The following ASIC2 variants were observed in gnomAD, a reference collection of about 807,000 sequenced individuals.
The protein encoded by ASIC2 is acid sensing ion channel subunit 2.
ASIC2 carries 25 observed loss-of-function variants against 57.3 expected under a neutral mutation model. The ratio of observed to expected loss-of-function variants is 0.44; its 90% CI spans 0.32 to 0.61. The LOEUF (loss-of-function observed/expected upper bound fraction) is 0.61. Among genes scored for constraint, ASIC2 ranks in the 20% least tolerant of loss-of-function variants. The pLI, the probability that ASIC2 is intolerant of heterozygous loss-of-function variation, is 0.06. For missense variants in ASIC2, 641 were observed against 738.1 expected (o/e 0.87, Z 1.52); for synonymous variants, 319 against 307.5 (o/e 1.04, Z -0.39).
In ASIC2 at chr17:33,236,086, C is replaced by T. The variant is rs140778894; in HGVS notation, c.708+55322G>A. Among the ~76,000 whole-genome samples, 1,390 of 152,194 alleles carry T rather than the reference C, an allele frequency of 9.1e-3. 26 individuals carry two copies. Among genetic ancestry groups the T allele is most frequent in the African/African-American group, 0.031 (1,286 of 41,540 alleles). Reference sequence around the variant, plus strand: ...TCTTGACCACATGATCTGCCTGCCTCGGCCTCCCAGAGTGCTGGGATTACA... The same window carrying T: ...TCTTGACCACATGATCTGCCTGCCTTGGCCTCCCAGAGTGCTGGGATTACA... On this transcript the variant is annotated intron_variant, in intron 1 of 9. Transcript: ENST00000225823.
chr17:33,997,985 T>G (rs1309005449), intron 1 of ASIC2, among the ~76,000 whole-genome samples: 1 of 152,178 alleles, frequency 6.6e-6, no homozygotes, highest in Non-Finnish European at 1.5e-5. Flanking sequence ...TTTTTAAATG[T>G]TTGCTAGAAT....
intron 1 of ASIC2, among the ~76,000 whole-genome samples, chr17:34,064,225 T>G (rs1292790154): frequency 6.6e-6 from 1 of 152,060 alleles, no homozygotes. Flanking sequence ...TAAACCCAAA[T>G]ACTTCCAGCC....
chr17:33,069,703 C>G (rs144575749), intron 3 of ASIC2, among the ~76,000 whole-genome samples: 55 of 152,020 alleles, frequency 3.6e-4, no homozygotes, highest in African/African-American at 1.3e-3. Context: ...TGTTTCCATC[C>G]TTTAAAAAAA....
intron 1 of ASIC2, among the ~76,000 whole-genome samples, chr17:33,168,664 G>C (rs575297617): frequency 6.6e-6 from 1 of 152,308 alleles, no homozygotes; most frequent in South Asian, 2.1e-4. Flanking sequence ...CAATGAATTA[G>C]GCTATCTGGC....
At chr17:33,045,589 C>T (rs546139127) in intron 3 of ASIC2, among the ~76,000 whole-genome samples, 60 of 152,236 alleles carry the variant, frequency 3.9e-4, no homozygotes, top group African/African-American at 1.3e-3. Context: ...TTCTTCAGCC[C>T]CTCCAGCCAC....
chr17:33,898,853 A>G (rs1042210639), intron 1 of ASIC2, among the ~76,000 whole-genome samples: 2 of 152,166 alleles, frequency 1.3e-5, no homozygotes, highest in African/African-American at 4.8e-5. Context: ...AAGAAAATAC[A>G]TAGGCTTGGC....
chr17:33,790,428 G>A (rs1911737749), intron 1 of ASIC2, among the ~76,000 whole-genome samples: 1 of 152,158 alleles, frequency 6.6e-6, no homozygotes, highest in East Asian at 1.9e-4. Context: ...ATAGAGGTGG[G>A]TCAAGCAGCT....
At chr17:33,396,018 T>A (rs555674967) in intron 1 of ASIC2, among the ~76,000 whole-genome samples, 3 of 152,330 alleles carry the variant, frequency 2.0e-5, no homozygotes, top group African/African-American at 7.2e-5. Context: ...GGAAGAACCG[T>A]CAGACTCTTG....
chr17:33,748,228 C>T (rs1910325121), intron 1 of ASIC2, among the ~76,000 whole-genome samples: 2 of 152,230 alleles, frequency 1.3e-5, no homozygotes. Context: ...GTGCCTGCTT[C>T]CCTGATTCCT....
chr17:33,446,054 C>T (rs1409303553), intron 1 of ASIC2, among the ~76,000 whole-genome samples: 2 of 151,744 alleles, frequency 1.3e-5, no homozygotes, highest in Non-Finnish European at 2.9e-5. Flanking sequence ...GGACTTTTTT[C>T]CTTGACTGGA....
At chr17:33,728,798 G>A (rs1287696302) in intron 1 of ASIC2, among the ~76,000 whole-genome samples, 1 of 152,148 alleles carries the variant, frequency 6.6e-6, no homozygotes, top group Non-Finnish European at 1.5e-5. Context: ...CATGAGCCGG[G>A]CCAACCAGAG....
intron 1 of ASIC2, among the ~76,000 whole-genome samples, chr17:33,436,861 T>C (rs1191373609): frequency 2.9e-5 from 3 of 101,844 alleles, no homozygotes; most frequent in East Asian, 2.3e-4. Context: ...TTCTTTTTTT[T>C]TTTTTTTTTT....
At chr17:33,046,615 C>G (rs1338991718) in intron 3 of ASIC2, among the ~76,000 whole-genome samples, 1 of 152,110 alleles carries the variant, frequency 6.6e-6, no homozygotes, top group Admixed American at 6.5e-5. Flanking sequence ...GCTCCCCCAC[C>G]ACAACCTTAG....
chr17:34,038,881 C>T, intron 1 of ASIC2: 3 of 1,612,666 alleles, frequency 1.9e-6, no homozygotes, highest in Non-Finnish European at 2.5e-6. Context: ...TCTCTTCCCT[C>T]TGTGAATTTA....
At chr17:33,531,214 C>T (rs921669484) in intron 1 of ASIC2, among the ~76,000 whole-genome samples, 9 of 151,846 alleles carry the variant, frequency 5.9e-5, no homozygotes. Context: ...AGGCTTAGGA[C>T]AAGATCATAG....
At chr17:33,619,183 A>G (rs1172687113) in intron 1 of ASIC2, among the ~76,000 whole-genome samples, 4 of 152,200 alleles carry the variant, frequency 2.6e-5, no homozygotes, top group Non-Finnish European at 5.9e-5. Context: ...GTCTGTAAAT[A>G]TAACTGTTTT....
At chr17:33,905,651 A>G (rs565532556) in intron 1 of ASIC2, among the ~76,000 whole-genome samples, 1 of 152,318 alleles carries the variant, frequency 6.6e-6, no homozygotes, top group East Asian at 1.9e-4. Context: ...ACCACCTATT[A>G]TCTGCAGTTG....
chr17:33,070,486 C>T (rs2092064311), intron 3 of ASIC2, among the ~76,000 whole-genome samples: 1 of 151,932 alleles, frequency 6.6e-6, no homozygotes, highest in South Asian at 2.1e-4. Context: ...TACAGGTGTG[C>T]ATCACCATGT....
At chr17:33,131,821 T>A (rs1213793079) in intron 1 of ASIC2, 4 of 152,098 alleles carry the variant, frequency 2.6e-5, no homozygotes, top group Non-Finnish European at 5.9e-5. Flanking sequence ...ACGCCATACA[T>A]CACACGCCTA....
Sources: gnomAD v4.1 joint callset for allele counts (sites outside exome capture counted in the v4.1 genomes callset) on GRCh38, gnomAD v4.1.1 for gene constraint, MANE v1.5 for transcripts, NCBI Gene and HGNC (gene_info 2026-07-23, HGNC 2026-07-21) for gene names.